QTGAL: variants seen among roughly 807,000 people sequenced by gnomAD.
QTGAL encodes queuosine-tRNA galactosyltransferase.
the QTGAL span, chr17:82,942,793 C>T: frequency 2.3e-6 from 1 of 443,208 alleles, no homozygotes; most frequent in South Asian, 3.1e-5. Context: ...AGGTGGGCTG[C>T]ACTCCTCCTG....
At chr17:83,051,610 C>A in the QTGAL span, 2 of 987,248 alleles carry the variant, frequency 2.0e-6, no homozygotes, top group Non-Finnish European at 2.8e-6. Flanking sequence ...AGGGCGGAGA[C>A]CCCGTAGGTG....
At chr17:82,972,743 G>T in the QTGAL span, among the ~76,000 whole-genome samples, 7 of 135,498 alleles carry the variant, frequency 5.2e-5, no homozygotes, top group East Asian at 1.5e-3. Flanking sequence ...CACCACAGGG[G>T]ATAGAAGGAC....
chr17:82,949,875 G>C, the QTGAL span: 80 of 152,320 alleles, frequency 5.3e-4, no homozygotes, highest in African/African-American at 1.9e-3. Flanking sequence ...AATTAGGCTA[G>C]AATGAGTGCC....
chr17:82,989,717 A>C, the QTGAL span, among the ~76,000 whole-genome samples: 1 of 152,250 alleles, frequency 6.6e-6, no homozygotes, highest in Non-Finnish European at 1.5e-5. Flanking sequence ...AAAGATGCAT[A>C]AATGAATTAC....
chr17:83,008,828 G>T, the QTGAL span, among the ~76,000 whole-genome samples: 5 of 151,756 alleles, frequency 3.3e-5, no homozygotes, highest in Non-Finnish European at 7.4e-5. Flanking sequence ...GAGCGAGTGC[G>T]CAGGCTCCAG....
chr17:82,957,276 C>T, the QTGAL span: 192 of 1,614,138 alleles, frequency 1.2e-4, no homozygotes, highest in African/African-American at 2.3e-3. Context: ...AAGGGCAGCT[C>T]TGGACAGGCC....
the QTGAL span, among the ~76,000 whole-genome samples, chr17:82,986,976 G>A: frequency 6.6e-6 from 1 of 152,174 alleles, no homozygotes; most frequent in Non-Finnish European, 1.5e-5. Flanking sequence ...ATACCCCCAC[G>A]AGGCAGAGTG....
chr17:83,016,666 G>A, the QTGAL span, among the ~76,000 whole-genome samples: 5 of 143,084 alleles, frequency 3.5e-5, no homozygotes, highest in South Asian at 7.1e-4. Context: ...GGTGGAGGGT[G>A]GAGGGAAGTG....
At chr17:83,035,092 G>A in the QTGAL span, 96 of 1,610,882 alleles carry the variant, frequency 6.0e-5, no homozygotes, top group East Asian at 2.2e-4. Flanking sequence ...GATTTTTAGC[G>A]TATCCGACTG....
the QTGAL span, among the ~76,000 whole-genome samples, chr17:82,983,363 T>C: frequency 6.6e-6 from 1 of 152,188 alleles, no homozygotes; most frequent in Admixed American, 6.5e-5. Flanking sequence ...TTGGGTAGAC[T>C]TTGTCAAAAT....
the QTGAL span, among the ~76,000 whole-genome samples, chr17:82,946,705 C>T: frequency 1.3e-5 from 2 of 152,086 alleles, no homozygotes; most frequent in Non-Finnish European, 2.9e-5. Flanking sequence ...TAAAGTGGTG[C>T]TTAAGCGATT....
At chr17:82,972,723 G>GACCAC in the QTGAL span, among the ~76,000 whole-genome samples, 2 of 131,348 alleles carry the variant, frequency 1.5e-5, no homozygotes, top group Admixed American at 1.5e-4. Flanking sequence ...ACCTGGTACT[G>GACCAC]ACCACACCAC....
the QTGAL span, among the ~76,000 whole-genome samples, chr17:83,023,109 G>A: frequency 1.7e-4 from 8 of 46,316 alleles, no homozygotes; most frequent in East Asian, 5.2e-4. Context: ...GTGAACTCAC[G>A]TTAGCTTAGC....
At chr17:83,002,649 C>T in the QTGAL span, among the ~76,000 whole-genome samples, 1 of 152,312 alleles carries the variant, frequency 6.6e-6, no homozygotes, top group East Asian at 1.9e-4. Context: ...CACGTCCCCT[C>T]CCTCAGACGG....
At chr17:82,942,608 CT>C in the QTGAL span, 2 of 1,061,676 alleles carry the variant, frequency 1.9e-6, no homozygotes, top group Non-Finnish European at 2.8e-6. Context: ...TAGCTGACAG[CT>C]TTTCCTCTCT....
chr17:82,988,793 CA>C, the QTGAL span, among the ~76,000 whole-genome samples: 1 of 136,578 alleles, frequency 7.3e-6, no homozygotes, highest in African/African-American at 2.5e-5. Flanking sequence ...AAACCAAAAC[CA>C]CAATGAGATA....
chr17:82,942,355 TC>T, the QTGAL span: 1 of 1,570,098 alleles, frequency 6.4e-7, no homozygotes, highest in Non-Finnish European at 8.7e-7. Context: ...ACCGTGTCAG[TC>T]CCCACACAGG....
At chr17:83,051,455 G>A in the QTGAL span, among the ~76,000 whole-genome samples, 1 of 152,194 alleles carries the variant, frequency 6.6e-6, no homozygotes, top group Non-Finnish European at 1.5e-5. Context: ...TCAGAACGAG[G>A]AAGGTCGGTG....
the QTGAL span, among the ~76,000 whole-genome samples, chr17:83,043,607 T>C: frequency 2.1e-4 from 32 of 151,418 alleles, no homozygotes; most frequent in Non-Finnish European, 4.0e-4. Flanking sequence ...CTTAAGAAGC[T>C]AGAAAAAGAA....
Sources: gnomAD v4.1 joint callset for allele counts (sites outside exome capture counted in the v4.1 genomes callset) on GRCh38, gnomAD v4.1.1 for gene constraint, MANE v1.5 for transcripts, NCBI Gene and HGNC (gene_info 2026-07-23, HGNC 2026-07-21) for gene names.